Variants in TAFA1 observed in about 807,000 individuals in gnomAD.
TAFA1 encodes chemokine-like protein TAFA-1.
Under a neutral mutation model 18.5 loss-of-function variants are expected in TAFA1, and 4 were observed. The observed-to-expected ratio is 0.22, with a 90% CI of 0.11 to 0.49. The LOEUF (loss-of-function observed/expected upper bound fraction) is 0.49, where lower values mean the gene tolerates loss of function less well. TAFA1 is among the 20% of genes least tolerant of loss of function. The pLI, the probability that TAFA1 is intolerant of heterozygous loss-of-function variation, is 0.98. For synonymous variants in TAFA1, 56 were observed against 55.2 expected, an observed-to-expected ratio of 1.01 and a Z score of -0.06; for missense variants, 147 against 169.0, an observed-to-expected ratio of 0.87 and a Z score of 0.72.
At chr3:68,199,780 A>AT in intron 2 of TAFA1, among the ~76,000 whole-genome samples, 1 of 151,630 alleles carries the variant, frequency 6.6e-6, no homozygotes, top group South Asian at 2.1e-4. Context: ...CTACATAATC[A>AT]TGCCATTTGA....
intron 2 of TAFA1, among the ~76,000 whole-genome samples, chr3:68,312,834 C>T (rs2068543079): frequency 6.6e-6 from 1 of 152,150 alleles, no homozygotes; most frequent in African/African-American, 2.4e-5. Flanking sequence ...TGTATTAGTC[C>T]ATTTTCATGC....
intron 2 of TAFA1, among the ~76,000 whole-genome samples, chr3:68,165,122 C>G (rs936396061): frequency 3.9e-5 from 6 of 152,180 alleles, no homozygotes; most frequent in African/African-American, 1.4e-4. Flanking sequence ...CTCAGAAGTC[C>G]ATGATGTTTT....
At chr3:68,105,851 G>A (rs1277561494) in intron 2 of TAFA1, among the ~76,000 whole-genome samples, 1 of 152,024 alleles carries the variant, frequency 6.6e-6, no homozygotes, top group East Asian at 1.9e-4. Flanking sequence ...ATGTAAACCA[G>A]GCCTAATCTA....
intron 2 of TAFA1, among the ~76,000 whole-genome samples, chr3:68,269,698 G>A (rs1360862283): frequency 1.3e-5 from 2 of 152,146 alleles, no homozygotes; most frequent in African/African-American, 4.8e-5. Context: ...AAGATAGTGG[G>A]ATCACCAGAG....
chr3:68,246,504 G>A (rs994065026), intron 2 of TAFA1, among the ~76,000 whole-genome samples: 15 of 148,064 alleles, frequency 1.0e-4, no homozygotes, highest in African/African-American at 3.7e-4. Context: ...GCAGGAGAAT[G>A]GCGTGAACCC....
chr3:68,043,200 T>G (rs531019440), intron 2 of TAFA1, among the ~76,000 whole-genome samples: 1 of 152,288 alleles, frequency 6.6e-6, no homozygotes, highest in African/African-American at 2.4e-5. Context: ...GTTTGTATGT[T>G]AACAGAAAGA....
At chr3:68,470,273 A>G (rs1007015515) in intron 3 of TAFA1, among the ~76,000 whole-genome samples, 7 of 152,196 alleles carry the variant, frequency 4.6e-5, no homozygotes, top group Non-Finnish European at 1.0e-4. Context: ...TCTTTTCTTT[A>G]TAAATTACCC....
chr3:68,263,175 A>G (rs914048031), intron 2 of TAFA1, among the ~76,000 whole-genome samples: 5 of 152,070 alleles, frequency 3.3e-5, no homozygotes, highest in African/African-American at 1.2e-4. Context: ...CAATTCAGAG[A>G]TTCTAATATC....
intron 2 of TAFA1, among the ~76,000 whole-genome samples, chr3:68,103,388 T>A (rs1235689974): frequency 6.6e-6 from 1 of 152,244 alleles, no homozygotes; most frequent in Non-Finnish European, 1.5e-5. Flanking sequence ...ATTAATTATA[T>A]GTCACAGTAA....
intron 2 of TAFA1, among the ~76,000 whole-genome samples, chr3:68,148,567 G>C (rs2065769806): frequency 1.3e-5 from 2 of 152,194 alleles, no homozygotes; most frequent in Non-Finnish European, 1.5e-5. Context: ...GGGAATGTCA[G>C]AGAGACTTCA....
chr3:68,181,007 T>C (rs1048528666), intron 2 of TAFA1, among the ~76,000 whole-genome samples: 1 of 152,236 alleles, frequency 6.6e-6, no homozygotes, highest in Non-Finnish European at 1.5e-5. Context: ...CAAGCTGCAA[T>C]GCTGCATAAA....
At chr3:68,146,646 T>A (rs1430853998) in intron 2 of TAFA1, among the ~76,000 whole-genome samples, 1 of 152,218 alleles carries the variant, frequency 6.6e-6, no homozygotes, top group African/African-American at 2.4e-5. Flanking sequence ...CCTTAAGTAA[T>A]CTACAAATAT....
chr3:67,993,805 A>G, the TAFA1 span, among the ~76,000 whole-genome samples: 1 of 151,976 alleles, frequency 6.6e-6, no homozygotes, highest in Non-Finnish European at 1.5e-5. Context: ...GTGTAAGAGG[A>G]GGGGGTGGAA....
chr3:68,281,614 C>T (rs79498626), intron 2 of TAFA1, among the ~76,000 whole-genome samples: 17,707 of 151,674 alleles, frequency 0.12, 1,084 homozygotes, highest in South Asian at 0.19. Flanking sequence ...GGACTGCAGG[C>T]GCATCCCCAC....
intron 2 of TAFA1, among the ~76,000 whole-genome samples, chr3:68,171,136 A>G (rs976991012): frequency 7.2e-5 from 11 of 152,182 alleles, no homozygotes; most frequent in Non-Finnish European, 1.2e-4. Context: ...ATCATCTTGG[A>G]TTATCTAGAT....
chr3:68,355,462 C>T (rs262249), intron 2 of TAFA1, among the ~76,000 whole-genome samples: 52,955 of 151,668 alleles, frequency 0.35, 10,030 homozygotes, highest in South Asian at 0.51. Flanking sequence ...AGGATTGTTA[C>T]GATAGATAAA....
At chr3:68,539,276 T>C (rs892525891) in intron 4 of TAFA1, among the ~76,000 whole-genome samples, 2 of 152,182 alleles carry the variant, frequency 1.3e-5, no homozygotes, top group African/African-American at 4.8e-5. Context: ...GAAGCCATTT[T>C]CTAATGTTCT....
intron 1 of TAFA1, chr3:68,006,396 C>T: frequency 2.0e-6 from 1 of 493,912 alleles, no homozygotes; most frequent in South Asian, 3.0e-5. Flanking sequence ...TTTGCCAATC[C>T]TTGGAGTTTT....
chr3:68,389,880 C>T (rs900236567), intron 2 of TAFA1, among the ~76,000 whole-genome samples: 59 of 152,242 alleles, frequency 3.9e-4, no homozygotes, highest in African/African-American at 1.3e-3. Flanking sequence ...ACCAGATTTG[C>T]TTGGGTGCCT....
Sources: allele counts gnomAD v4.1 joint callset (sites outside exome capture counted in the v4.1 genomes callset), GRCh38; gene constraint gnomAD v4.1.1; transcripts MANE v1.5; gene names NCBI Gene and HGNC (gene_info 2026-07-23, HGNC 2026-07-21).